CUBN: variants seen among roughly 807,000 people sequenced by gnomAD.
The protein encoded by CUBN is 460 kDa receptor.
A neutral mutation model predicts 405.3 loss-of-function variants in CUBN; 282 were observed. The observed-to-expected ratio is 0.70, with a 90% CI of 0.63 to 0.77. The LOEUF is 0.77. Among genes scored for constraint, CUBN ranks in the 30% least tolerant of loss-of-function variants. The pLI is 0.00. For synonymous variants in CUBN, 1,684 were observed against 1,617.0 expected (o/e 1.04, Z -0.99); for missense variants, 4,514 against 4,475.2 (o/e 1.01, Z -0.25).
intron 48 of CUBN, among the ~76,000 whole-genome samples, chr10:16,911,276 G>A (rs1329880201): frequency 1.3e-5 from 2 of 152,140 alleles, no homozygotes; most frequent in Admixed American, 6.5e-5. Context: ...GCTCAGTTGT[G>A]AATGGTGTTT....
chr10:16,952,833 A>G (rs1842955288), intron 32 of CUBN, among the ~76,000 whole-genome samples: 1 of 152,210 alleles, frequency 6.6e-6, no homozygotes, highest in African/African-American at 2.4e-5. Flanking sequence ...TGAGTCTTGA[A>G]GAGGGAGAGG....
chr10:16,902,058 A>T (rs1588633778), intron 51 of CUBN, among the ~76,000 whole-genome samples: 1 of 137,252 alleles, frequency 7.3e-6, no homozygotes, highest in African/African-American at 2.7e-5. Context: ...CACCATATAT[A>T]GGGTATATAT....
At chr10:16,916,419 C>G (rs1841886464) in intron 45 of CUBN, among the ~76,000 whole-genome samples, 1 of 152,184 alleles carries the variant, frequency 6.6e-6, no homozygotes, top group African/African-American at 2.4e-5. Context: ...ATCCTAAAGA[C>G]TGAACCCAAG....
At chr10:17,104,837 CT>C (rs1564516877) in intron 11 of CUBN, among the ~76,000 whole-genome samples, 4 of 137,308 alleles carry the variant, frequency 2.9e-5, no homozygotes, top group Admixed American at 7.5e-5. Flanking sequence ...GAGATGGAGT[CT>C]CGCTCTGTCG....
intron 56 of CUBN, among the ~76,000 whole-genome samples, chr10:16,878,891 G>C (rs1276683544): frequency 2.0e-5 from 3 of 152,206 alleles, no homozygotes; most frequent in Non-Finnish European, 4.4e-5. Flanking sequence ...GCATGTGTCA[G>C]TATGTCATTC....
chr10:17,117,851 T>C (rs190440878), intron 6 of CUBN, among the ~76,000 whole-genome samples: 4 of 152,320 alleles, frequency 2.6e-5, no homozygotes, highest in Admixed American at 2.6e-4. Flanking sequence ...TGTTAACTGT[T>C]TACCCAGACA....
At position 17,103,272 on chromosome 10, in the gene CUBN, G is replaced by T. The variant is rs760466120; in HGVS notation, c.1418-35C>A. On this transcript the variant is annotated intron_variant, in intron 12 of 66. Coordinates refer to ENST00000377833, the MANE Select transcript of CUBN (RefSeq NM_001081.4). ...AAAAGATGAACTGTGCTTTTCAGAG[G>T]TTCCTAAAAGGAAGAGGTTGGGCAA... 3.6e-5 allele frequency: 48 copies of T among 1,336,242 alleles called. 1 individual carries two copies. The highest frequency in any genetic ancestry group is 1.7e-4 in the Admixed American group (10 of 59,580). 82.8% of individuals were successfully genotyped at this position (1,336,242 alleles called of 1,614,324 possible). A position where few individuals can be genotyped will look rare whatever the true frequency, so the allele number is the denominator to read the frequency against.
chr10:16,881,525 T>C (rs977950480), intron 56 of CUBN, among the ~76,000 whole-genome samples: 1 of 152,200 alleles, frequency 6.6e-6, no homozygotes, highest in African/African-American at 2.4e-5. Flanking sequence ...TGACAAGGGA[T>C]TTTAGATTTT....
intron 59 of CUBN, among the ~76,000 whole-genome samples, chr10:16,859,868 G>A (rs1385172102): frequency 6.6e-6 from 1 of 152,118 alleles, no homozygotes. Context: ...TATGTACGTA[G>A]AATTAAAATA....
intron 35 of CUBN, among the ~76,000 whole-genome samples, chr10:16,948,176 T>A (rs931511542): frequency 2.0e-5 from 3 of 152,182 alleles, no homozygotes; most frequent in Admixed American, 2.0e-4. Context: ...GCCATTGCAC[T>A]CCAACCTGGG....
chr10:16,911,107 G>T (rs1841717370), intron 48 of CUBN, among the ~76,000 whole-genome samples: 1 of 152,198 alleles, frequency 6.6e-6, no homozygotes, highest in African/African-American at 2.4e-5. Flanking sequence ...AAATGGAACT[G>T]ATATGTTTTA....
intron 60 of CUBN, among the ~76,000 whole-genome samples, chr10:16,850,022 T>A (rs1052634022): frequency 6.6e-6 from 1 of 152,248 alleles, no homozygotes; most frequent in Non-Finnish European, 1.5e-5. Context: ...CCAGCCTCTT[T>A]ACGCTTTCGA....
chr10:17,121,079 A>C (rs1837029338), intron 6 of CUBN, among the ~76,000 whole-genome samples: 2 of 152,200 alleles, frequency 1.3e-5, no homozygotes, highest in Admixed American at 6.5e-5. Context: ...GCAGGGAAAA[A>C]AGGCTTCATT....
intron 31 of CUBN, among the ~76,000 whole-genome samples, chr10:16,960,023 G>A (rs1843173031): frequency 6.6e-6 from 1 of 152,100 alleles, no homozygotes; most frequent in Admixed American, 6.6e-5. Context: ...ATTTGAAGTT[G>A]AAGCCACAAA....
intron 17 of CUBN, among the ~76,000 whole-genome samples, chr10:17,083,356 T>C (rs1185509934): frequency 6.6e-6 from 1 of 151,752 alleles, no homozygotes; most frequent in Non-Finnish European, 1.5e-5. Flanking sequence ...AAATGCAAAA[T>C]TAGCCGGGCG....
intron 39 of CUBN, among the ~76,000 whole-genome samples, chr10:16,936,221 C>T (rs1053718921): frequency 1.3e-5 from 2 of 152,006 alleles, no homozygotes; most frequent in Admixed American, 6.6e-5. Context: ...TAAATAATTC[C>T]TTTTCTACCT....
chr10:17,037,239 T>C (rs1834922154), intron 27 of CUBN, among the ~76,000 whole-genome samples: 1 of 152,212 alleles, frequency 6.6e-6, no homozygotes, highest in Non-Finnish European at 1.5e-5. Flanking sequence ...TTTTATCAAT[T>C]ATTTTTGAAG....
At chr10:16,897,832 A>C (rs530313590) in intron 54 of CUBN, among the ~76,000 whole-genome samples, 21 of 152,164 alleles carry the variant, frequency 1.4e-4, no homozygotes, top group Admixed American at 1.2e-3. Context: ...TTCCTAATAC[A>C]TCCCACTCGG....
intron 6 of CUBN, among the ~76,000 whole-genome samples, chr10:17,119,527 T>C (rs1339056113): frequency 1.3e-5 from 2 of 152,000 alleles, no homozygotes; most frequent in Admixed American, 1.3e-4. Flanking sequence ...GGGTATGGTG[T>C]CAGGTGCCTG....
Sources: gnomAD v4.1 joint callset for allele counts (sites outside exome capture counted in the v4.1 genomes callset) on GRCh38, gnomAD v4.1.1 for gene constraint, MANE v1.5 for transcripts, NCBI Gene and HGNC (gene_info 2026-07-23, HGNC 2026-07-21) for gene names.